The following CDH13 variants were observed in gnomAD, a reference collection of about 807,000 sequenced individuals.
CDH13 encodes the protein cadherin-13.
Under a neutral mutation model 63.8 loss-of-function variants are expected in CDH13, and 24 were observed. The ratio of observed to expected loss-of-function variants is 0.38; its 90% CI spans 0.27 to 0.53. CDH13 has a LOEUF of 0.53. CDH13 is among the 20% of genes least tolerant of loss of function. CDH13 has a pLI of 0.85. For missense variants in CDH13, 1,049 were observed against 903.1 expected, an observed-to-expected ratio of 1.16 and a Z score of -2.07; for synonymous variants, 503 against 355.3, an observed-to-expected ratio of 1.42 and a Z score of -4.67.
intron 2 of CDH13, among the ~76,000 whole-genome samples, chr16:82,881,590 C>G (rs2040704338): frequency 6.6e-6 from 1 of 152,156 alleles, no homozygotes; most frequent in Admixed American, 6.5e-5. Flanking sequence ...TGAAGGCTGT[C>G]TGCAGAACCT....
chr16:82,962,775 T>C lies in CDH13; in HGVS notation c.158-69235T>C, dbSNP rs1907216922. Among the ~76,000 whole-genome samples the C allele has an allele frequency of 2.0e-5, 3 of 152,304 alleles. No individual in the cohort carries two copies. In the South Asian group the frequency reaches 6.2e-4, roughly 32 times the overall value. ...TTTTTCAGATCTCAAGGTGTCAGTA[T>C]CTTGTAACAGTAATGAGCTTGATTC... On this transcript the variant is annotated intron_variant, in intron 2 of 13. Transcript: ENST00000567109.
chr16:82,656,336 T>TGC (rs1911293322), intron 1 of CDH13, among the ~76,000 whole-genome samples: 1 of 151,748 alleles, frequency 6.6e-6, no homozygotes, highest in Non-Finnish European at 1.5e-5. Context: ...TGTGTGTGTG[T>TGC]TAATGATGGT....
intron 8 of CDH13, among the ~76,000 whole-genome samples, chr16:83,620,081 T>C (rs1343997608): frequency 2.0e-5 from 3 of 151,766 alleles, no homozygotes; most frequent in Non-Finnish European, 4.4e-5. Flanking sequence ...GGGGAAGACA[T>C]TGGCAGATGT....
At chr16:83,414,483 ACT>A (rs1400416782) in intron 6 of CDH13, among the ~76,000 whole-genome samples, 2 of 152,100 alleles carry the variant, frequency 1.3e-5, no homozygotes, top group Non-Finnish European at 2.9e-5. Context: ...AGTAGTATTG[ACT>A]CTAGGTACAG....
At chr16:82,971,986 C>T (rs952672424) in intron 2 of CDH13, among the ~76,000 whole-genome samples, 1 of 152,152 alleles carries the variant, frequency 6.6e-6, no homozygotes, top group Non-Finnish European at 1.5e-5. Flanking sequence ...CCAGGAAGTC[C>T]CATTATTGCT....
At chr16:82,753,498 G>A (rs2034498227) in intron 1 of CDH13, among the ~76,000 whole-genome samples, 1 of 152,128 alleles carries the variant, frequency 6.6e-6, no homozygotes, top group East Asian at 1.9e-4. Flanking sequence ...CTACAGACCT[G>A]TGTATTTACG....
chr16:83,555,659 C>G (rs1291346872), intron 7 of CDH13, among the ~76,000 whole-genome samples: 1 of 152,200 alleles, frequency 6.6e-6, no homozygotes. Flanking sequence ...CTAAGTGGAA[C>G]CATTCTGACT....
chr16:83,191,528 CACAT>C (rs1462570670), intron 4 of CDH13, among the ~76,000 whole-genome samples: 258 of 70,062 alleles, frequency 3.7e-3, no homozygotes, highest in East Asian at 0.013. Context: ...CACACACACA[CACAT>C]ATATATATAT....
In CDH13 at chr16:82,933,425, C is replaced by A. The variant is rs116904932; in HGVS notation, c.157+74952C>A. On this transcript the variant is annotated intron_variant, in intron 2 of 13. Transcript: ENST00000567109. ...AATCACCACTCATGAGGTCCCTCCC[C>A]CAACACGTGGGGATTACAATTCAGA... Among the ~76,000 whole-genome samples, 378 of 152,208 alleles carry A rather than the reference C, an allele frequency of 2.5e-3. 9 individuals carry two copies. In the East Asian group the frequency reaches 0.069, roughly 28 times the overall value.
In CDH13 at chr16:83,304,212, A is replaced by G. The variant is rs373489535; in HGVS notation, c.637-40650A>G. Among the ~76,000 whole-genome samples, 9 of 152,208 alleles carry G rather than the reference A, an allele frequency of 5.9e-5. No homozygotes were observed. In the South Asian group the frequency reaches 1.7e-3, roughly 28 times the overall value. ...CCATAAGAAATGTGGGTTTTATCCC[A>G]CAGAAACTGGGAACACGCTGAAATA... On this transcript the variant is annotated intron_variant, in intron 5 of 13. Coordinates refer to ENST00000567109, the MANE Select transcript of CDH13 (RefSeq NM_001257.5).
At chr16:83,175,787 A>G (rs1391557989) in intron 4 of CDH13, among the ~76,000 whole-genome samples, 3 of 151,712 alleles carry the variant, frequency 2.0e-5, no homozygotes, top group Admixed American at 6.6e-5. Flanking sequence ...TCACAAAAAT[A>G]AGATCATAAT....
intron 5 of CDH13, among the ~76,000 whole-genome samples, chr16:83,300,240 T>C (rs1268689898): frequency 6.6e-6 from 1 of 152,016 alleles, no homozygotes; most frequent in East Asian, 1.9e-4. Flanking sequence ...ACTTAGAAAA[T>C]GAGATTTTGT....
chr16:83,717,714 C>T (rs1365285428), intron 10 of CDH13: 1 of 152,316 alleles, frequency 6.6e-6, no homozygotes, highest in Non-Finnish European at 1.5e-5. Flanking sequence ...AGTTTGAGAG[C>T]TAGTTTGGAG....
intron 13 of CDH13, among the ~76,000 whole-genome samples, chr16:83,788,788 G>C (rs1021841573): frequency 2.6e-5 from 4 of 152,176 alleles, no homozygotes; most frequent in African/African-American, 9.7e-5. Context: ...TCTGATGATT[G>C]TATCTCACTG....
intron 2 of CDH13, among the ~76,000 whole-genome samples, chr16:82,917,890 G>C (rs1002072870): frequency 2.0e-5 from 3 of 147,002 alleles, no homozygotes; most frequent in Admixed American, 2.0e-4. Flanking sequence ...ACTCCAGCCT[G>C]GGCAACAGAG....
intron 7 of CDH13, among the ~76,000 whole-genome samples, chr16:83,598,677 A>C (rs566160008): frequency 6.6e-6 from 1 of 152,262 alleles, no homozygotes; most frequent in African/African-American, 2.4e-5. Context: ...AGAATTCACA[A>C]AATCTAAGGA....
chr16:83,470,619 C>T (rs79508401), intron 6 of CDH13, among the ~76,000 whole-genome samples: 3,816 of 152,178 alleles, frequency 0.025, 164 homozygotes, highest in African/African-American at 0.086. Flanking sequence ...TACTCATTGG[C>T]AGGAGGGAGA....
At chr16:82,702,295 A>G (rs1236758061) in intron 1 of CDH13, among the ~76,000 whole-genome samples, 1 of 131,758 alleles carries the variant, frequency 7.6e-6, no homozygotes, top group African/African-American at 2.9e-5. Context: ...AATAATTTTC[A>G]CAGCACATGA....
intron 5 of CDH13, among the ~76,000 whole-genome samples, chr16:83,326,623 C>G (rs2090368882): frequency 6.6e-6 from 1 of 152,032 alleles, no homozygotes; most frequent in South Asian, 2.1e-4. Context: ...TTGCTGTGCC[C>G]TTTGCTGCAC....
Sources: allele counts gnomAD v4.1 joint callset (sites outside exome capture counted in the v4.1 genomes callset), GRCh38; gene constraint gnomAD v4.1.1; transcripts MANE v1.5; gene names NCBI Gene and HGNC (gene_info 2026-07-23, HGNC 2026-07-21).